The following LPXN variants were observed in gnomAD, a reference collection of about 807,000 sequenced individuals.
The protein encoded by LPXN is leupaxin.
A neutral mutation model predicts 45.6 loss-of-function variants in LPXN; 28 were observed. The ratio of observed to expected loss-of-function variants is 0.61; its 90% CI spans 0.45 to 0.84. The LOEUF (loss-of-function observed/expected upper bound fraction) is 0.84, where lower values mean the gene tolerates loss of function less well. Ranked by LOEUF, LPXN falls within the 40% of genes least tolerant of loss-of-function variation. LPXN has a pLI of 0.00. For synonymous variants in LPXN, 166 were observed against 169.9 expected (o/e 0.98, Z 0.18); for missense variants, 459 against 475.0 (o/e 0.97, Z 0.31).
At chr11:58,542,790 C>CA (rs1203728993) in intron 7 of LPXN, among the ~76,000 whole-genome samples, 1 of 152,026 alleles carries the variant, frequency 6.6e-6, no homozygotes, top group Non-Finnish European at 1.5e-5. Context: ...GAATTTTAGG[C>CA]ACACAATAAC....
chr11:58,549,977 A>G lies in LPXN; in HGVS notation c.656T>C (p.Leu219Pro). ...GAGGAGCGGGGATTTACTTACATCC[A>G]GGATGGGAGCAGCGCAGTAAGCACA... ...PRCAYCAAPI[L>P]DKVLTAMNQT... Residue 219 changes from leucine (L) to proline (P), a missense_variant, in exon 6 of 9, where the codon CTG becomes CCG. Leu to Pro is a moderately conservative substitution (Grantham distance 98). Coordinates refer to ENST00000395074, the MANE Select transcript of LPXN (RefSeq NM_004811.3). The G allele has an allele frequency of 6.2e-7, 1 of 1,614,174 alleles. No individual in the cohort carries two copies. Among genetic ancestry groups the G allele is most frequent in the Non-Finnish European group, 8.5e-7 (1 of 1,179,972 alleles).
intron 7 of LPXN, among the ~76,000 whole-genome samples, chr11:58,533,020 C>T (rs950188971): frequency 4.0e-5 from 6 of 151,530 alleles, no homozygotes; most frequent in South Asian, 2.1e-4. Context: ...CCAGACGCAC[C>T]GCCTTAAGAG....
At chr11:58,545,337 A>G (rs775490404) in intron 7 of LPXN, among the ~76,000 whole-genome samples, 5 of 152,118 alleles carry the variant, frequency 3.3e-5, no homozygotes, top group Non-Finnish European at 5.9e-5. Context: ...CTCTACCTGA[A>G]ATGTGCCTAT....
At chr11:58,568,171 T>C (rs1349021613) in intron 2 of LPXN, among the ~76,000 whole-genome samples, 2 of 152,218 alleles carry the variant, frequency 1.3e-5, no homozygotes, top group Non-Finnish European at 2.9e-5. Context: ...AAGAGGTACT[T>C]GTGCTTGAGC....
chr11:58,575,421 G>A (rs1432718368), intron 1 of LPXN, among the ~76,000 whole-genome samples: 2 of 151,824 alleles, frequency 1.3e-5, no homozygotes. Flanking sequence ...CTCGCTATGT[G>A]GCCACCCTTG....
chr11:58,573,366 T>C (rs1034642008), intron 1 of LPXN, among the ~76,000 whole-genome samples: 11 of 152,178 alleles, frequency 7.2e-5, no homozygotes, highest in African/African-American at 1.9e-4. Flanking sequence ...TTTGAGAATT[T>C]TGAATTTTTA....
intron 7 of LPXN, among the ~76,000 whole-genome samples, chr11:58,543,318 A>G (rs1044075454): frequency 1.3e-5 from 2 of 152,180 alleles, no homozygotes; most frequent in African/African-American, 4.8e-5. Context: ...CAATAGCAAA[A>G]TTGAGATCAT....
At chr11:58,533,222 C>G (rs1853448663) in intron 7 of LPXN, among the ~76,000 whole-genome samples, 1 of 152,114 alleles carries the variant, frequency 6.6e-6, no homozygotes, top group African/African-American at 2.4e-5. Context: ...AGACCAAGAA[C>G]CCACCAATTT....
At chr11:58,576,025 G>T, upstream of LPXN, 1 of 1,163,894 alleles carries the variant, frequency 8.6e-7, no homozygotes, top group Non-Finnish European at 1.1e-6. Flanking sequence ...TTATGGCAGT[G>T]CATTGGCCAG....
At chr11:58,533,089 C>T in intron 7 of LPXN, among the ~76,000 whole-genome samples, 1 of 152,150 alleles carries the variant, frequency 6.6e-6, no homozygotes, top group East Asian at 1.9e-4. Flanking sequence ...AAACCACAAA[C>T]CCATCAGAAA....
chr11:58,553,269 G>A (rs1441954675), intron 4 of LPXN, among the ~76,000 whole-genome samples: 1 of 149,172 alleles, frequency 6.7e-6, no homozygotes, highest in Non-Finnish European at 1.5e-5. Context: ...CCAGGAGGTG[G>A]AGGTTGCAGT....
intron 2 of LPXN, 84 bp downstream of exon 2, chr11:58,570,472 A>G: frequency 9.8e-7 from 1 of 1,019,178 alleles, no homozygotes; most frequent in South Asian, 1.9e-5. Context: ...TTCTCCTTTC[A>G]TATTATTTTA....
chr11:58,572,270 G>A (rs561647720), intron 1 of LPXN, among the ~76,000 whole-genome samples: 6 of 150,798 alleles, frequency 4.0e-5, no homozygotes, highest in Admixed American at 1.3e-4. Flanking sequence ...TCTTAATGGC[G>A]TTAGAAGAGA....
At chr11:58,552,095 C>T (rs1854069754) in intron 4 of LPXN, among the ~76,000 whole-genome samples, 1 of 152,090 alleles carries the variant, frequency 6.6e-6, no homozygotes, top group African/African-American at 2.4e-5. Flanking sequence ...ATTTCAAGCA[C>T]AGGAGTGAAG....
In LPXN at chr11:58,567,359, T is replaced by TA. The variant is rs1209014769; in HGVS notation, c.172-3159dup. ...CATATTTTATTTTGATTGTTTGAATTAGATAAAAAACAAAATTGAAACATT... is the reference window on the plus strand; with the variant it reads ...CATATTTTATTTTGATTGTTTGAATTAAGATAAAAAACAAAATTGAAACATT... On this transcript the variant is annotated intron_variant, in intron 2 of 8. Transcript: ENST00000395074. Among the ~76,000 whole-genome samples, 3 of 152,318 alleles carry TA rather than the reference T, an allele frequency of 2.0e-5. No homozygotes were observed. The East Asian group carries it at 5.8e-4, about 29-fold the overall frequency.
chr11:58,533,189 C>T (rs977947883), intron 7 of LPXN, among the ~76,000 whole-genome samples: 3 of 152,158 alleles, frequency 2.0e-5, no homozygotes, highest in African/African-American at 7.2e-5. Flanking sequence ...CAAGGGTCCG[C>T]GGCTTCATTC....
intron 1 of LPXN, among the ~76,000 whole-genome samples, chr11:58,574,245 A>G (rs948045195): frequency 1.1e-4 from 17 of 152,212 alleles, no homozygotes; most frequent in African/African-American, 4.1e-4. Flanking sequence ...TGCTCAGGAG[A>G]TGCAAAACAA....
chr11:58,568,077 C>T lies in LPXN; in HGVS notation c.171+2479G>A, dbSNP rs11229528. Among the ~76,000 whole-genome samples, 126 of 152,270 alleles carry T rather than the reference C, an allele frequency of 8.3e-4. 4 individuals carry two copies. In the East Asian group the frequency reaches 0.02, roughly 25 times the overall value. The stretch of plus-strand genomic sequence containing the variant: ...TCTCACAGGCCACCCACCACACGAC[C>T]ACATGAGGGCATGAGTGGTGGTTCA... On this transcript the variant is annotated intron_variant, in intron 2 of 8. Transcript: ENST00000395074.
In LPXN at chr11:58,571,867, G is replaced by A. The variant is rs142640323; in HGVS notation, c.14-1154C>T. 4.9e-3 allele frequency among the ~76,000 whole-genome samples: 752 copies of A among 152,218 alleles called. 20 individuals carry two copies. The highest frequency in any genetic ancestry group is 0.039 in the Admixed American group (596 of 15,284). On this transcript the variant is annotated intron_variant, in intron 1 of 8. Coordinates refer to ENST00000395074, the MANE Select transcript of LPXN (RefSeq NM_004811.3). ...AAAGAGACAAAAATAATTTGCTTAA[G>A]CGCATGAATGCAGAACCAGGACTTG...
Sources: allele counts gnomAD v4.1 joint callset (sites outside exome capture counted in the v4.1 genomes callset), GRCh38; gene constraint gnomAD v4.1.1; transcripts MANE v1.5; gene names NCBI Gene and HGNC (gene_info 2026-07-23, HGNC 2026-07-21).